Variants in TAFA4 observed in about 807,000 individuals in gnomAD.
TAFA4 encodes TAFA chemokine like family member 4.
A neutral mutation model predicts 21.1 loss-of-function variants in TAFA4; 20 were observed. That is an observed-to-expected ratio of 0.95 (90% CI 0.67 to 1.38). The LOEUF is 1.38. TAFA4 is among the 40% of genes most tolerant of loss of function. TAFA4 has a pLI of 0.00. For missense variants in TAFA4, 211 were observed against 180.9 expected (o/e 1.17, Z -0.95); for synonymous variants, 71 against 67.4 (o/e 1.05, Z -0.26).
chr3:68,755,048 G>C (rs1021106234), intron 3 of TAFA4, among the ~76,000 whole-genome samples: 5 of 152,272 alleles, frequency 3.3e-5, no homozygotes, highest in Non-Finnish European at 5.9e-5. Flanking sequence ...TCACAACTAG[G>C]GAGTGATTCA....
At chr3:68,740,446 G>A (rs1702328236) in intron 4 of TAFA4, among the ~76,000 whole-genome samples, 1 of 152,142 alleles carries the variant, frequency 6.6e-6, no homozygotes, top group Non-Finnish European at 1.5e-5. Flanking sequence ...GGAGGGCCTG[G>A]CATTCCTTCA....
chr3:68,764,476 C>T (rs183954249), intron 3 of TAFA4, among the ~76,000 whole-genome samples: 30 of 152,294 alleles, frequency 2.0e-4, no homozygotes, highest in African/African-American at 6.7e-4. Context: ...ATTATAACTT[C>T]ATAGGCTGAA....
intron 3 of TAFA4, among the ~76,000 whole-genome samples, chr3:68,856,966 C>T (rs557127383): frequency 2.0e-5 from 3 of 152,110 alleles, no homozygotes; most frequent in Admixed American, 6.6e-5. Flanking sequence ...GATAATAGAA[C>T]AGACCTCCAG....
At chr3:68,886,107 AT>A (rs2089670358) in intron 1 of TAFA4, among the ~76,000 whole-genome samples, 1 of 152,266 alleles carries the variant, frequency 6.6e-6, no homozygotes, top group African/African-American at 2.4e-5. Flanking sequence ...CAAATATAAC[AT>A]AAAAATGATT....
chr3:68,769,820 G>A (rs1172797377), intron 3 of TAFA4, among the ~76,000 whole-genome samples: 1 of 152,100 alleles, frequency 6.6e-6, no homozygotes. Context: ...TAGGCTGTAA[G>A]CTCTATAAGG....
chr3:68,822,710 C>A (rs1704140784), intron 3 of TAFA4, among the ~76,000 whole-genome samples: 1 of 152,140 alleles, frequency 6.6e-6, no homozygotes, highest in African/African-American at 2.4e-5. Flanking sequence ...GAACTCAAGC[C>A]ATCCACCCGC....
At chr3:68,898,623 G>A (rs966788785) in intron 1 of TAFA4, among the ~76,000 whole-genome samples, 5 of 152,198 alleles carry the variant, frequency 3.3e-5, no homozygotes, top group Non-Finnish European at 7.3e-5. Context: ...TCAAACCTGG[G>A]TGACAGAATG....
At chr3:68,857,775 C>T (rs2106918271) in intron 3 of TAFA4, among the ~76,000 whole-genome samples, 1 of 150,004 alleles carries the variant, frequency 6.7e-6, no homozygotes, top group Middle Eastern at 3.4e-3. Context: ...ATGGCTTTAG[C>T]ACTCAATAGC....
chr3:68,797,030 C>T (rs545524866), intron 3 of TAFA4, among the ~76,000 whole-genome samples: 1 of 152,206 alleles, frequency 6.6e-6, no homozygotes, highest in Non-Finnish European at 1.5e-5. Context: ...GAAAACAGAA[C>T]CTTTGTGCAC....
chr3:68,750,913 G>A (rs1702547238), intron 4 of TAFA4, among the ~76,000 whole-genome samples: 2 of 148,192 alleles, frequency 1.3e-5, no homozygotes, highest in Admixed American at 6.6e-5. Flanking sequence ...AAAGATGAAA[G>A]TAAGAGACCA....
chr3:68,818,081 G>A (rs745751563), intron 3 of TAFA4, among the ~76,000 whole-genome samples: 7 of 152,274 alleles, frequency 4.6e-5, no homozygotes, highest in South Asian at 2.1e-4. Context: ...ATTGTGTAGC[G>A]TAGCCACTTT....
chr3:68,848,423 A>AT (rs1704861608), intron 3 of TAFA4, among the ~76,000 whole-genome samples: 1 of 152,208 alleles, frequency 6.6e-6, no homozygotes, highest in African/African-American at 2.4e-5. Flanking sequence ...TTCTTTAGAC[A>AT]CAAGATATAA....
intron 3 of TAFA4, among the ~76,000 whole-genome samples, chr3:68,769,616 C>T (rs1049560592): frequency 4.6e-5 from 7 of 152,222 alleles, no homozygotes; most frequent in Admixed American, 6.5e-5. Context: ...GTGGTGGATA[C>T]GCTACCATAC....
chr3:68,893,834 T>C, intron 1 of TAFA4, among the ~76,000 whole-genome samples: 1 of 152,234 alleles, frequency 6.6e-6, no homozygotes, highest in East Asian at 1.9e-4. Context: ...AATGGTGCCC[T>C]CCTGTGGACA....
At chr3:68,742,861 G>C (rs1157340756) in intron 4 of TAFA4, among the ~76,000 whole-genome samples, 1 of 152,212 alleles carries the variant, frequency 6.6e-6, no homozygotes, top group Non-Finnish European at 1.5e-5. Flanking sequence ...TCTAATGCTA[G>C]AGCCCAAGTG....
intron 3 of TAFA4, among the ~76,000 whole-genome samples, chr3:68,812,760 G>A (rs935002739): frequency 2.0e-5 from 3 of 152,136 alleles, no homozygotes; most frequent in Non-Finnish European, 2.9e-5. Flanking sequence ...ACATTAGACA[G>A]ATCAACAAGA....
chr3:68,883,209 G>C (rs2089636530), intron 2 of TAFA4: 1 of 152,314 alleles, frequency 6.6e-6, no homozygotes, highest in East Asian at 1.9e-4. Flanking sequence ...ACTTCCAAGT[G>C]CTCTCAGGTT....
intron 3 of TAFA4, among the ~76,000 whole-genome samples, chr3:68,847,945 C>T (rs1014509089): frequency 2.0e-5 from 3 of 152,198 alleles, no homozygotes; most frequent in Admixed American, 6.5e-5. Context: ...TTCTACTTTG[C>T]GTCAAGACCT....
intron 1 of TAFA4, chr3:68,916,077 A>C (rs556097772): frequency 6.6e-6 from 1 of 152,336 alleles, no homozygotes; most frequent in South Asian, 2.1e-4. Flanking sequence ...TACAATTGTG[A>C]GAAATTCTTT....
Sources: gnomAD v4.1 joint callset for allele counts (sites outside exome capture counted in the v4.1 genomes callset) on GRCh38, gnomAD v4.1.1 for gene constraint, MANE v1.5 for transcripts, NCBI Gene and HGNC (gene_info 2026-07-23, HGNC 2026-07-21) for gene names.